TNS1: variants seen among roughly 807,000 people sequenced by gnomAD.
TNS1 encodes tensin-1.
A neutral mutation model predicts 168.6 loss-of-function variants in TNS1; 62 were observed. The ratio of observed to expected loss-of-function variants is 0.37; its 90% CI spans 0.30 to 0.45. The LOEUF is 0.45. TNS1 is among the 20% of genes least tolerant of loss of function. The pLI is 1.00. For synonymous variants in TNS1, 934 were observed against 933.2 expected, an observed-to-expected ratio of 1.00 and a Z score of -0.02; for missense variants, 2,240 against 2,339.4, an observed-to-expected ratio of 0.96 and a Z score of 0.88.
intron 3 of TNS1, among the ~76,000 whole-genome samples, chr2:217,923,457 G>A (rs985844449): frequency 2.0e-5 from 3 of 152,342 alleles, no homozygotes; most frequent in Admixed American, 2.0e-4. Context: ...AATGCTGAGC[G>A]TTGTCATTAT....
At position 217,836,788 on chromosome 2, in the gene TNS1, C is replaced by T. The variant is rs573804957; in HGVS notation, c.3008-577G>A. 3.9e-4 allele frequency among the ~76,000 whole-genome samples: 60 copies of T among 152,318 alleles called. 1 individual carries two copies. Among genetic ancestry groups the T allele is most frequent in the Admixed American group, 3.6e-3 (55 of 15,306 alleles). On this transcript the variant is annotated intron_variant, in intron 19 of 32. Coordinates refer to ENST00000682258, the MANE Select transcript of TNS1 (RefSeq NM_001387777.1). Reference sequence around the variant, plus strand: ...CAACTTCATCCGGTGTACCGCTGAACCTCTTACCAACTCCCCTTATACTGG... The same window carrying T: ...CAACTTCATCCGGTGTACCGCTGAATCTCTTACCAACTCCCCTTATACTGG...
intron 7 of TNS1, among the ~76,000 whole-genome samples, chr2:217,899,673 C>T (rs571943110): frequency 8.6e-4 from 131 of 152,306 alleles, no homozygotes; most frequent in African/African-American, 2.9e-3. Flanking sequence ...GGCACTGACC[C>T]GCCCCTGTCT....
At chr2:217,834,483 C>T (rs780004486) in intron 21 of TNS1, among the ~76,000 whole-genome samples, 38 of 152,360 alleles carry the variant, frequency 2.5e-4, no homozygotes, top group Middle Eastern at 3.4e-3. Flanking sequence ...GAACACTGCC[C>T]CATGCCTTGG....
intron 3 of TNS1, among the ~76,000 whole-genome samples, chr2:217,961,115 C>A (rs1957484607): frequency 6.6e-6 from 1 of 152,036 alleles, no homozygotes; most frequent in Admixed American, 6.5e-5. Flanking sequence ...CCCATCCTCC[C>A]CCAGCAGCCT....
intron 3 of TNS1, among the ~76,000 whole-genome samples, chr2:217,926,955 G>A (rs912289725): frequency 1.4e-4 from 21 of 152,340 alleles, no homozygotes; most frequent in Admixed American, 7.8e-4. Flanking sequence ...CCAGGGCTAT[G>A]GGATCACAGA....
chr2:217,857,134 C>T (rs753628040), intron 18 of TNS1, among the ~76,000 whole-genome samples: 4 of 152,234 alleles, frequency 2.6e-5, no homozygotes, highest in Non-Finnish European at 5.9e-5. Flanking sequence ...TAGAGCCCCT[C>T]CCACCCACGG....
chr2:218,017,740 A>T (rs1333976321), intron 1 of TNS1, among the ~76,000 whole-genome samples: 1 of 152,188 alleles, frequency 6.6e-6, no homozygotes, highest in Non-Finnish European at 1.5e-5. Flanking sequence ...AATCGTGAGG[A>T]TTAAATTAAA....
chr2:218,024,319 C>T (rs924233491), intron 1 of TNS1, among the ~76,000 whole-genome samples: 14 of 151,410 alleles, frequency 9.2e-5, no homozygotes, highest in African/African-American at 2.9e-4. Context: ...CATCCCCCCA[C>T]GGAATACTAC....
chr2:217,885,273 A>C, intron 15 of TNS1, 109 bp from the exon 16 acceptor site: 1 of 1,465,546 alleles, frequency 6.8e-7, no homozygotes. Context: ...CTCACCCCAA[A>C]CCCGGTGAGG....
At chr2:217,908,743 C>A (rs1953992732) in intron 4 of TNS1, among the ~76,000 whole-genome samples, 1 of 152,252 alleles carries the variant, frequency 6.6e-6, no homozygotes, top group East Asian at 1.9e-4. Context: ...GGGGATGAAA[C>A]TTCCTGAGCA....
At chr2:217,811,024 A>G (rs1420411105) in intron 28 of TNS1, among the ~76,000 whole-genome samples, 1 of 152,198 alleles carries the variant, frequency 6.6e-6, no homozygotes, top group Non-Finnish European at 1.5e-5. Flanking sequence ...GACTACAGGC[A>G]TGAGCCACCA....
At chr2:217,955,622 G>A (rs1395207609) in intron 3 of TNS1, among the ~76,000 whole-genome samples, 1 of 152,200 alleles carries the variant, frequency 6.6e-6, no homozygotes. Context: ...GCAGCAGGAG[G>A]TTACAGAGCC....
intron 3 of TNS1, among the ~76,000 whole-genome samples, chr2:217,946,969 TCACA>T (rs372012573): frequency 1.9e-4 from 23 of 118,804 alleles, no homozygotes; most frequent in African/African-American, 2.0e-4. Context: ...TCTCTCTCTC[TCACA>T]CACACACACA....
chr2:218,000,595 G>A (rs1958545211), intron 1 of TNS1, among the ~76,000 whole-genome samples: 2 of 152,368 alleles, frequency 1.3e-5, no homozygotes, highest in Middle Eastern at 3.4e-3. Context: ...CATACAAGGA[G>A]TATATTATTC....
chr2:217,930,843 C>T (rs563989264), intron 3 of TNS1, among the ~76,000 whole-genome samples: 1 of 152,262 alleles, frequency 6.6e-6, no homozygotes, highest in East Asian at 1.9e-4. Context: ...GCAGGAAAAC[C>T]CCACCCCTTC....
chr2:217,993,827 A>G (rs920640621), intron 1 of TNS1, among the ~76,000 whole-genome samples: 3 of 152,196 alleles, frequency 2.0e-5, no homozygotes, highest in Non-Finnish European at 2.9e-5. Context: ...AAAAATCAGG[A>G]AAGTATTTAA....
intron 11 of TNS1, among the ~76,000 whole-genome samples, chr2:217,892,476 G>C (rs1035792211): frequency 6.6e-6 from 1 of 152,208 alleles, no homozygotes; most frequent in African/African-American, 2.4e-5. Flanking sequence ...ATTGGAAAGG[G>C]AGTCAGTGAC....
chr2:217,916,929 G>C (rs1955075463), intron 4 of TNS1, among the ~76,000 whole-genome samples: 1 of 152,232 alleles, frequency 6.6e-6, no homozygotes, highest in Admixed American at 6.5e-5. Flanking sequence ...AGGGAGGCCG[G>C]AGAGCAGCCT....
At chr2:218,004,312 C>T (rs1352095367), upstream of TNS1, among the ~76,000 whole-genome samples, 1 of 152,226 alleles carries the variant, frequency 6.6e-6, no homozygotes, top group Non-Finnish European at 1.5e-5. Flanking sequence ...CTCCTATGCA[C>T]ACTGTGCTAT....
Sources: allele counts gnomAD v4.1 joint callset (sites outside exome capture counted in the v4.1 genomes callset), GRCh38; gene constraint gnomAD v4.1.1; transcripts MANE v1.5; gene names NCBI Gene and HGNC (gene_info 2026-07-23, HGNC 2026-07-21).